IGSF21: variants seen among roughly 807,000 people sequenced by gnomAD.
The protein encoded by IGSF21 is immunoglobulin superfamily member 21.
Under a neutral mutation model 46.8 loss-of-function variants are expected in IGSF21, and 28 were observed. That is an observed-to-expected ratio of 0.60 (90% CI 0.44 to 0.82). IGSF21 has a LOEUF of 0.82. Ranked by LOEUF, IGSF21 falls within the 40% of genes least tolerant of loss-of-function variation. The pLI, the probability that IGSF21 is intolerant of heterozygous loss-of-function variation, is 0.00. For synonymous variants in IGSF21, 284 were observed against 273.6 expected (o/e 1.04, Z -0.38); for missense variants, 624 against 665.5 (o/e 0.94, Z 0.69).
At chr1:18,119,047 A>G (rs1300916558) in intron 1 of IGSF21, among the ~76,000 whole-genome samples, 1 of 152,016 alleles carries the variant, frequency 6.6e-6, no homozygotes, top group Non-Finnish European at 1.5e-5. Flanking sequence ...ACACATGGCT[A>G]TGTATTGATT....
chr1:18,286,222 T>C (rs1430536398), intron 2 of IGSF21, among the ~76,000 whole-genome samples: 2 of 152,250 alleles, frequency 1.3e-5, no homozygotes, highest in Non-Finnish European at 2.9e-5. Context: ...ACAAGTATAA[T>C]ACATGTGTGA....
intron 1 of IGSF21, among the ~76,000 whole-genome samples, chr1:18,189,187 C>A (rs2086932076): frequency 6.6e-6 from 1 of 152,246 alleles, no homozygotes; most frequent in South Asian, 2.1e-4. Flanking sequence ...GCCAATGTCG[C>A]CCGACTTTGG....
At chr1:18,153,650 C>T (rs765822422) in intron 1 of IGSF21, among the ~76,000 whole-genome samples, 1 of 151,472 alleles carries the variant, frequency 6.6e-6, no homozygotes, top group Non-Finnish European at 1.5e-5. Context: ...ATCTCTACTT[C>T]GCAAATGAGG....
intron 2 of IGSF21, among the ~76,000 whole-genome samples, chr1:18,273,334 CCTTTCCTTTCCTT>C (rs2085062280): frequency 1.3e-5 from 1 of 75,832 alleles, no homozygotes; most frequent in African/African-American, 5.4e-5. Flanking sequence ...AGCCACCATT[CCTTTCCTTTCCTT>C]TCCTTTCCTT....
intron 1 of IGSF21, among the ~76,000 whole-genome samples, chr1:18,192,987 A>T (rs1052884890): frequency 9.2e-5 from 14 of 152,038 alleles, no homozygotes; most frequent in Non-Finnish European, 1.8e-4. Flanking sequence ...CCTGGTCCTC[A>T]CAGGCCTTCA....
At chr1:18,250,987 G>A (rs979146912) in intron 2 of IGSF21, among the ~76,000 whole-genome samples, 23 of 152,144 alleles carry the variant, frequency 1.5e-4, no homozygotes, top group African/African-American at 5.6e-4. Context: ...CTCTGGGGAA[G>A]TGACATTGAA....
At chr1:18,253,464 C>T (rs1004317150) in intron 2 of IGSF21, among the ~76,000 whole-genome samples, 6 of 152,226 alleles carry the variant, frequency 3.9e-5, no homozygotes, top group African/African-American at 1.2e-4. Context: ...TGGGCCCCTT[C>T]GTTGCTCCTT....
chr1:18,154,983 G>A (rs950836065), intron 1 of IGSF21, among the ~76,000 whole-genome samples: 2 of 152,124 alleles, frequency 1.3e-5, no homozygotes, highest in Admixed American at 6.5e-5. Context: ...CTAGGCAAAT[G>A]GGGGGCTCAC....
intron 1 of IGSF21, among the ~76,000 whole-genome samples, chr1:18,126,595 C>G (rs1168999917): frequency 6.6e-6 from 1 of 152,122 alleles, no homozygotes; most frequent in Admixed American, 6.5e-5. Flanking sequence ...CGGCAGTGCC[C>G]CCCTACTTGT....
In IGSF21 at chr1:18,177,352, T is replaced by C. The variant is rs78512261; in HGVS notation, c.71-50546T>C. Reference sequence around the variant, plus strand: ...CCCTGAGCATGTACCCAGAGATGGCTGAGAAGGACTGTGGTCGTGTGTGGG... The same window carrying C: ...CCCTGAGCATGTACCCAGAGATGGCCGAGAAGGACTGTGGTCGTGTGTGGG... On this transcript the variant is annotated intron_variant, in intron 1 of 9. Transcript: ENST00000251296. 7.6e-3 allele frequency among the ~76,000 whole-genome samples: 1,147 copies of C among 151,314 alleles called. 19 individuals carry two copies. Among genetic ancestry groups the C allele is most frequent in the African/African-American group, 0.027 (1,092 of 40,800 alleles).
intron 1 of IGSF21, among the ~76,000 whole-genome samples, chr1:18,225,262 A>C (rs1451945976): frequency 6.6e-6 from 1 of 151,890 alleles, no homozygotes; most frequent in Non-Finnish European, 1.5e-5. Flanking sequence ...TCTAAGACTG[A>C]GTGCGTATGC....
intron 1 of IGSF21, among the ~76,000 whole-genome samples, chr1:18,179,549 T>C (rs1040176349): frequency 4.6e-5 from 7 of 152,246 alleles, no homozygotes; most frequent in Non-Finnish European, 8.8e-5. Flanking sequence ...TATTCATTTT[T>C]TTCCCTGATT....
intron 1 of IGSF21, among the ~76,000 whole-genome samples, chr1:18,177,038 C>G (rs985767623): frequency 6.6e-6 from 1 of 152,120 alleles, no homozygotes; most frequent in Non-Finnish European, 1.5e-5. Flanking sequence ...TGGTTTAATT[C>G]CAGGCTAAAG....
intron 1 of IGSF21, among the ~76,000 whole-genome samples, chr1:18,215,852 C>T (rs76380980): frequency 0.064 from 9,762 of 152,248 alleles, 438 homozygotes; most frequent in Middle Eastern, 0.15. Context: ...GCATAATCCA[C>T]ATTGTTCCAG....
chr1:18,139,957 A>T (rs1216888932), intron 1 of IGSF21, among the ~76,000 whole-genome samples: 1 of 152,046 alleles, frequency 6.6e-6, no homozygotes, highest in Non-Finnish European at 1.5e-5. Context: ...AAAATAAAAA[A>T]TTTTATTTAG....
At chr1:18,157,333 T>G (rs1367962372) in intron 1 of IGSF21, among the ~76,000 whole-genome samples, 4 of 152,124 alleles carry the variant, frequency 2.6e-5, no homozygotes, top group Non-Finnish European at 4.4e-5. Flanking sequence ...ACCTGCCTGG[T>G]GGGTACCCCA....
chr1:18,348,809 C>T (rs764211367), intron 4 of IGSF21, among the ~76,000 whole-genome samples: 8 of 152,136 alleles, frequency 5.3e-5, no homozygotes, highest in African/African-American at 1.2e-4. Flanking sequence ...CACTGCAAGT[C>T]GGCTTGGTAT....
intron 1 of IGSF21, among the ~76,000 whole-genome samples, chr1:18,134,596 T>C (rs2086351700): frequency 6.6e-6 from 1 of 152,160 alleles, no homozygotes; most frequent in African/African-American, 2.4e-5. Flanking sequence ...ATCTCTGGGC[T>C]TTTCCTGGGC....
At chr1:18,218,877 A>G (rs1167080564) in intron 1 of IGSF21, among the ~76,000 whole-genome samples, 2 of 152,374 alleles carry the variant, frequency 1.3e-5, no homozygotes, top group East Asian at 3.9e-4. Flanking sequence ...CTCAGCAAAG[A>G]CATAGAAGAT....
Sources: gnomAD v4.1 joint callset for allele counts (sites outside exome capture counted in the v4.1 genomes callset) on GRCh38, gnomAD v4.1.1 for gene constraint, MANE v1.5 for transcripts, NCBI Gene and HGNC (gene_info 2026-07-23, HGNC 2026-07-21) for gene names.